AOX1: variants seen among roughly 807,000 people sequenced by gnomAD.
AOX1 encodes aldehyde oxidase.
In AOX1, 153 loss-of-function variants were observed where a neutral mutation model predicts 169.5. The ratio of observed to expected loss-of-function variants is 0.90; its 90% confidence interval spans 0.79 to 1.03. AOX1 has a LOEUF of 1.03. Ranked by LOEUF, AOX1 falls within the 50% of genes least tolerant of loss-of-function variation. The pLI is 0.00. For synonymous variants in AOX1, 562 were observed against 581.9 expected (o/e 0.97, Z 0.49); for missense variants, 1,656 against 1,663.9 (o/e 1.00, Z 0.08).
chr2:200,598,526 C>T (rs759714141), intron 4 of AOX1, among the ~76,000 whole-genome samples: 6 of 152,084 alleles, frequency 3.9e-5, no homozygotes, highest in Non-Finnish European at 5.9e-5. Context: ...GGGCAGATCA[C>T]GAGCTCAAGA....
intron 1 of AOX1, 28 bp downstream of exon 1, chr2:200,586,181 C>T (rs1402964014): frequency 3.2e-6 from 5 of 1,544,456 alleles, no homozygotes; most frequent in African/African-American, 2.7e-5. Context: ...TCCTCTGCCC[C>T]CAGACCTGCG....
At chr2:200,634,661 G>T in intron 20 of AOX1, 130 bp from the exon 21 acceptor site, 1 of 1,133,532 alleles carries the variant, frequency 8.8e-7, no homozygotes, top group Non-Finnish European at 1.2e-6. Flanking sequence ...AAACATTGTT[G>T]TTTGTTATAC....
chr2:200,645,639 G>A (rs980417878), intron 25 of AOX1, among the ~76,000 whole-genome samples: 4 of 152,106 alleles, frequency 2.6e-5, no homozygotes, highest in Admixed American at 6.6e-5. Context: ...AGTATCAAAA[G>A]GATTGGTACC....
downstream of AOX1, among the ~76,000 whole-genome samples, chr2:200,672,487 C>T (rs1215130098): frequency 3.9e-5 from 6 of 152,186 alleles, no homozygotes; most frequent in Non-Finnish European, 8.8e-5. Context: ...ACATGGATCT[C>T]TGCCTTTAAG....
At chr2:200,604,150 G>A in intron 8 of AOX1, 53 bp downstream of exon 8, 3 of 1,342,832 alleles carry the variant, frequency 2.2e-6, no homozygotes, top group Non-Finnish European at 3.2e-6. Context: ...TGAAATATCA[G>A]GAAGGGTATT....
chr2:200,654,452 G>A (rs977926348), intron 26 of AOX1, among the ~76,000 whole-genome samples: 1 of 152,212 alleles, frequency 6.6e-6, no homozygotes, highest in Admixed American at 6.5e-5. Flanking sequence ...ATAGAGTACA[G>A]TGTAGCATAA....
chr2:200,643,128 C>T (rs2035387196), intron 25 of AOX1, among the ~76,000 whole-genome samples: 2 of 151,788 alleles, frequency 1.3e-5, no homozygotes, highest in South Asian at 4.2e-4. Context: ...TCCTGAACAT[C>T]TCAGCCAGCT....
chr2:200,655,938 A>G (rs2035673202), intron 26 of AOX1, among the ~76,000 whole-genome samples: 1 of 152,160 alleles, frequency 6.6e-6, no homozygotes, highest in African/African-American at 2.4e-5. Context: ...GGCTTAGGAA[A>G]ATTTTTGGTT....
At position 200,666,712 on chromosome 2, in the gene AOX1, A is replaced by G. The variant is rs1309569626; in HGVS notation, c.3569A>G (p.Asp1190Gly). The G allele has an allele frequency of 9.3e-6, 15 of 1,610,680 alleles. No individual in the cohort carries two copies. The highest frequency in any genetic ancestry group is 1.2e-5 in the Non-Finnish European group (14 of 1,179,020). ...AACATCAGAACAGACATTGTCATGG[A>G]TGTTGGCTGCAGTATAAATCCAGCC... ...HKNIRTDIVM[D>G]VGCSINPAID... The change falls in exon 32 of 35, where the codon GAT (aspartate) becomes GGT (glycine). Residue 1190 changes from aspartate (D) to glycine (G), a missense_variant. Asp to Gly is a moderately conservative substitution (Grantham distance 94). Coordinates refer to ENST00000374700, the MANE Select transcript of AOX1 (RefSeq NM_001159.4).
chr2:200,621,368 A>T, intron 18 of AOX1, 122 bp downstream of exon 18: 1 of 919,106 alleles, frequency 1.1e-6, no homozygotes, highest in Non-Finnish European at 1.6e-6. Context: ...TAGAATGCTT[A>T]TTATAAAAGT....
chr2:200,670,973 G>A lies in AOX1; in HGVS notation c.*294G>A. On this transcript the variant is annotated 3_prime_UTR_variant, in exon 35 of 35. Transcript: ENST00000374700. ...CATCCAGCTAAATGGAATAGGTGAT[G>A]ACTTGCATGTGACTCCTACTTGGCT... The A allele has an allele frequency of 3.1e-6, 1 of 325,252 alleles. No homozygotes were observed. The highest frequency in any genetic ancestry group is 1.3e-4 in the South Asian group (1 of 7,870). 20.1% of individuals were successfully genotyped at this position (325,252 alleles called of 1,614,324 possible). A position where few individuals can be genotyped will look rare whatever the true frequency, so the allele number is the denominator to read the frequency against.
Position 200,620,657 on chromosome 2 carries a change from G to T in AOX1, c.1712G>T (p.Gly571Val). 6.5e-7 allele frequency: 1 copy of T among 1,541,694 alleles called. No individual in the cohort carries two copies. The highest frequency in any genetic ancestry group is 1.3e-5 in the South Asian group (1 of 75,194). ...TGGTTATTTATTAAACAGAATATAG[G>T]CCCAAAGCAGCATCCTGAAGACCCA... ...HCSTLKYQNI[G>V]PKQHPEDPIG... The change falls in exon 17 of 35, where the codon GGC becomes GTC. Residue 571 changes from glycine to valine, a missense_variant. Transcript: ENST00000374700.
In AOX1 at chr2:200,621,100, C is replaced by T; in HGVS notation, c.1875-20C>T. The T allele has an allele frequency of 6.2e-7, 1 of 1,607,082 alleles. No individual in the cohort carries two copies. The highest frequency in any genetic ancestry group is 8.5e-7 in the Non-Finnish European group (1 of 1,178,296). On this transcript the variant is annotated intron_variant, in intron 17 of 34. Coordinates refer to ENST00000374700, the MANE Select transcript of AOX1 (RefSeq NM_001159.4). ...GCCTCTATGGCCACTCTAAGGAGCT[C>T]TGCTGTGTATATCATCTAGGTCTAT... is the stretch of plus-strand genomic sequence containing the variant.
intron 31 of AOX1, among the ~76,000 whole-genome samples, chr2:200,664,273 G>A (rs771767328): frequency 4.6e-5 from 7 of 152,072 alleles, no homozygotes; most frequent in African/African-American, 1.7e-4. Flanking sequence ...TACAGGCTGC[G>A]CCACCACACC....
At chr2:200,588,726 C>CTTTTTTTCTTTTTTTTT (rs2034096545) in intron 1 of AOX1, among the ~76,000 whole-genome samples, 1 of 53,986 alleles carries the variant, frequency 1.9e-5, no homozygotes, top group Non-Finnish European at 3.9e-5. Flanking sequence ...CTAGAATAAG[C>CTTTTTTTCTTTTTTTTT]TTTTTTTTTT....
intron 26 of AOX1, among the ~76,000 whole-genome samples, chr2:200,651,575 G>A (rs1019999970): frequency 3.3e-5 from 5 of 152,142 alleles, no homozygotes; most frequent in South Asian, 2.1e-4. Flanking sequence ...TCCAGTGTCC[G>A]CAATTCGGTG....
At chr2:200,657,785 A>T (rs994429919) in intron 27 of AOX1, among the ~76,000 whole-genome samples, 8 of 152,210 alleles carry the variant, frequency 5.3e-5, no homozygotes, top group Non-Finnish European at 1.2e-4. Flanking sequence ...AACATTATAG[A>T]TTATAAAATA....
At chr2:200,600,951 A>G (rs1463133649) in intron 5 of AOX1, among the ~76,000 whole-genome samples, 1 of 152,070 alleles carries the variant, frequency 6.6e-6, no homozygotes, top group African/African-American at 2.4e-5. Context: ...GCACTGTGGG[A>G]GAAACGCTGG....
chr2:200,640,729 C>G (rs2035336771), intron 23 of AOX1, among the ~76,000 whole-genome samples: 2 of 152,136 alleles, frequency 1.3e-5, no homozygotes, highest in Non-Finnish European at 2.9e-5. Flanking sequence ...ATTATAGTGA[C>G]AGAAGCCATT....
Sources: allele counts gnomAD v4.1 joint callset (sites outside exome capture counted in the v4.1 genomes callset), GRCh38; gene constraint gnomAD v4.1.1; transcripts MANE v1.5; gene names NCBI Gene and HGNC (gene_info 2026-07-23, HGNC 2026-07-21).